POLA1: variants seen among roughly 807,000 people sequenced by gnomAD.
POLA1 encodes DNA polymerase alpha 1, catalytic subunit.
POLA1 carries 15 observed loss-of-function variants against 124.0 expected under a neutral mutation model. That is an observed-to-expected ratio of 0.12 (90% CI 0.08 to 0.19). The LOEUF (loss-of-function observed/expected upper bound fraction) is 0.19, where lower values mean the gene tolerates loss of function less well. POLA1 is among the 10% of genes least tolerant of loss of function. POLA1 has a pLI of 1.00. For missense variants in POLA1, 886 were observed against 1,103.4 expected (o/e 0.80, Z 2.79); for synonymous variants, 408 against 389.4 (o/e 1.05, Z -0.56).
chrX:24,971,962 A>G (rs1327888289), intron 36 of POLA1, among the ~76,000 whole-genome samples: 1 of 104,333 alleles, frequency 9.6e-6, no homozygotes, highest in Non-Finnish European at 1.9e-5. Flanking sequence ...ATTTTATTTT[A>G]TTTTATTTTA....
intron 26 of POLA1, among the ~76,000 whole-genome samples, chrX:24,790,905 G>GTATATA (rs1224793451): frequency 7.9e-4 from 50 of 63,548 alleles, no homozygotes; most frequent in African/African-American, 3.2e-3. Context: ...ATTTATTTAT[G>GTATATA]TATATGTATA....
At chrX:24,884,837 G>C (rs890709500) in intron 34 of POLA1, among the ~76,000 whole-genome samples, 1 of 112,073 alleles carries the variant, frequency 8.9e-6, no homozygotes, top group Non-Finnish European at 1.9e-5. Context: ...GAATAGAGAG[G>C]TGACAAAGGA....
At chrX:24,713,551 G>T (rs1929620667) in intron 4 of POLA1, among the ~76,000 whole-genome samples, 1 of 111,441 alleles carries the variant, frequency 9.0e-6, no homozygotes, top group African/African-American at 3.3e-5. Flanking sequence ...GAGTAGCTGG[G>T]ATTACAGGCA....
At chrX:24,952,986 A>T (rs1026736840) in intron 36 of POLA1, among the ~76,000 whole-genome samples, 2 of 112,441 alleles carry the variant, frequency 1.8e-5, no homozygotes, top group Non-Finnish European at 3.8e-5. Flanking sequence ...TAAGAATAAA[A>T]TAAACATCAA....
chrX:24,881,088 A>T (rs186772464), intron 34 of POLA1, among the ~76,000 whole-genome samples: 44 of 112,154 alleles, frequency 3.9e-4, no homozygotes, highest in Admixed American at 3.1e-3. Flanking sequence ...TGCCGTCTAT[A>T]TCTTCACTAT....
chrX:24,826,541 G>A lies in POLA1; in HGVS notation c.3676G>A (p.Val1226Met), dbSNP rs747196873. ...YYLAQQIHPVVARICEPIDGI... is the reference protein window; with the variant it reads ...YYLAQQIHPVMARICEPIDGI... ...CCTGGCCCAGCAGATCCACCCAGTC[G>A]TGGCTCGGATCTGTGAACCAATAGA... Residue 1226 changes from valine (V) to methionine (M), a missense_variant, in exon 32 of 37, where the codon GTG becomes ATG. Val to Met is a conservative substitution (Grantham distance 21). Coordinates refer to ENST00000379068, the MANE Select transcript of POLA1 (RefSeq NM_001330360.2). 3.3e-6 allele frequency: 4 copies of A among 1,204,892 alleles called. No homozygotes were observed. The highest frequency in any genetic ancestry group is 4.4e-5 in the Admixed American group (2 of 45,496).
At chrX:24,790,933 A>G (rs1289397459) in intron 26 of POLA1, among the ~76,000 whole-genome samples, 3 of 102,359 alleles carry the variant, frequency 2.9e-5, no homozygotes, top group African/African-American at 1.1e-4. Flanking sequence ...ATATATATAT[A>G]TATATATAAA....
chrX:24,894,833 C>G (rs2047186785), intron 35 of POLA1, among the ~76,000 whole-genome samples: 1 of 103,930 alleles, frequency 9.6e-6, no homozygotes, highest in Non-Finnish European at 2.0e-5. Context: ...ATCACCTAGT[C>G]TAGAGTGTAG....
chrX:24,713,122 G>A (rs897581227), intron 4 of POLA1, among the ~76,000 whole-genome samples: 13 of 109,712 alleles, frequency 1.2e-4, no homozygotes, highest in Admixed American at 3.9e-4. Flanking sequence ...GCACCACCAT[G>A]CCTGGCTAAT....
intron 36 of POLA1, among the ~76,000 whole-genome samples, chrX:24,944,108 T>A (rs990673727): frequency 8.9e-5 from 10 of 111,875 alleles, no homozygotes; most frequent in South Asian, 3.8e-4. Context: ...TTAAAAAAAA[T>A]ATCTCTATAG....
At chrX:24,895,192 A>G (rs754824454) in intron 35 of POLA1, among the ~76,000 whole-genome samples, 1 of 112,501 alleles carries the variant, frequency 8.9e-6, no homozygotes, top group East Asian at 2.8e-4. Flanking sequence ...GCTAAAAGTA[A>G]TGGAGACCAA....
chrX:24,980,144 A>G (rs1366320536), intron 36 of POLA1, among the ~76,000 whole-genome samples: 1 of 111,472 alleles, frequency 9.0e-6, no homozygotes, highest in Non-Finnish European at 1.9e-5. Context: ...GTAAGTGTCT[A>G]TGCCTTTTCA....
intron 26 of POLA1, among the ~76,000 whole-genome samples, chrX:24,765,292 GT>G (rs1299765675): frequency 1.7e-4 from 16 of 91,971 alleles, no homozygotes; most frequent in Admixed American, 3.5e-4. Flanking sequence ...TGTTTTTTTT[GT>G]TTTTTTTTTT....
intron 36 of POLA1, among the ~76,000 whole-genome samples, chrX:24,968,516 G>A (rs779369611): frequency 2.0e-4 from 22 of 109,799 alleles, no homozygotes; most frequent in South Asian, 7.9e-4. Flanking sequence ...TGGCTAACAC[G>A]GTGAAACCCT....
intron 34 of POLA1, among the ~76,000 whole-genome samples, chrX:24,886,840 A>G (rs1478062696): frequency 8.9e-6 from 1 of 111,877 alleles, no homozygotes; most frequent in Admixed American, 9.5e-5. Flanking sequence ...TTTGACATAC[A>G]TTGTTCTTTC....
At chrX:24,786,813 C>T (rs1051889898) in intron 26 of POLA1, among the ~76,000 whole-genome samples, 16 of 107,363 alleles carry the variant, frequency 1.5e-4, no homozygotes, top group Non-Finnish European at 2.9e-4. Flanking sequence ...TCAGCCACCC[C>T]AGTAGCTGGG....
At position 24,694,054 on chromosome X, in the gene POLA1, T is replaced by A; in HGVS notation, c.43+50T>A. 5 of 1,075,342 alleles carry A rather than the reference T, an allele frequency of 4.6e-6. No individual in the cohort carries two copies. The East Asian group carries it at 1.0e-4, about 22-fold the overall frequency. The allele number at this position is 1,075,342 out of a possible 1,213,427, so 88.6% of individuals were successfully genotyped here. ...GCTCCGGGTTGGGACAGTGGCATGA[T>A]TGCCGGTGGTGGGGGTTCTGAGGGA... On this transcript the variant is annotated intron_variant, in intron 1 of 36. Coordinates refer to ENST00000379068, the MANE Select transcript of POLA1 (RefSeq NM_001330360.2).
At chrX:24,820,447 T>G (rs1033266095) in intron 30 of POLA1, among the ~76,000 whole-genome samples, 5 of 111,651 alleles carry the variant, frequency 4.5e-5, no homozygotes, top group Admixed American at 3.8e-4. Context: ...GGGCTGGGTA[T>G]CCCCCTCCTT....
chrX:24,728,259 T>A (rs1930665979), intron 15 of POLA1, among the ~76,000 whole-genome samples: 1 of 112,314 alleles, frequency 8.9e-6, no homozygotes, highest in African/African-American at 3.2e-5. Flanking sequence ...TTACACTTGT[T>A]TATTTCCCTC....
Sources: allele counts gnomAD v4.1 joint callset (sites outside exome capture counted in the v4.1 genomes callset), GRCh38; gene constraint gnomAD v4.1.1; transcripts MANE v1.5; gene names NCBI Gene and HGNC (gene_info 2026-07-23, HGNC 2026-07-21).